The following COX7B2 variants were observed in gnomAD, a reference collection of about 807,000 sequenced individuals.
COX7B2 encodes the protein cytochrome c oxidase subunit 7B2, mitochondrial.
For synonymous variants in COX7B2, 37 were observed against 32.1 expected (o/e 1.15, Z -0.51); for missense variants, 109 against 95.9 (o/e 1.14, Z -0.57).
At chr4:46,877,193 A>AT (rs1275345497) in intron 1 of COX7B2, among the ~76,000 whole-genome samples, 2 of 152,184 alleles carry the variant, frequency 1.3e-5, no homozygotes, top group African/African-American at 4.8e-5. Context: ...GAGGTGGGAG[A>AT]TGAGTATATG....
At chr4:46,847,110 G>T (rs1577650910) in intron 1 of COX7B2, among the ~76,000 whole-genome samples, 2 of 151,988 alleles carry the variant, frequency 1.3e-5, no homozygotes, top group South Asian at 4.1e-4. Context: ...CAGATAGAGG[G>T]GAGAGGACAG....
chr4:46,772,688 A>G (rs1013902865), intron 2 of COX7B2, among the ~76,000 whole-genome samples: 2 of 151,924 alleles, frequency 1.3e-5, no homozygotes, highest in African/African-American at 2.4e-5. Flanking sequence ...AGTGGTTGCA[A>G]TCTAGTACCT....
At chr4:46,878,481 T>C (rs964384218) in intron 1 of COX7B2, among the ~76,000 whole-genome samples, 2 of 133,590 alleles carry the variant, frequency 1.5e-5, no homozygotes, top group African/African-American at 5.2e-5. Flanking sequence ...AAGTTAGCAC[T>C]ATTATATATA....
intron 1 of COX7B2, among the ~76,000 whole-genome samples, chr4:46,892,116 C>T (rs1207969408): frequency 6.6e-6 from 1 of 152,104 alleles, no homozygotes; most frequent in African/African-American, 2.4e-5. Context: ...CCTTTCTTCC[C>T]AGAGGAGTCA....
At chr4:46,892,892 A>C (rs2109875253) in intron 1 of COX7B2, among the ~76,000 whole-genome samples, 2 of 152,212 alleles carry the variant, frequency 1.3e-5, no homozygotes, top group South Asian at 4.1e-4. Context: ...CCCCCATGCT[A>C]TTCTCATGAT....
chr4:46,745,389 T>C (rs1714961420), intron 2 of COX7B2, among the ~76,000 whole-genome samples: 1 of 152,240 alleles, frequency 6.6e-6, no homozygotes, highest in African/African-American at 2.4e-5. Flanking sequence ...CATAACAGCA[T>C]TGAAGTAGTA....
At chr4:46,746,071 A>G (rs536294867) in intron 2 of COX7B2, among the ~76,000 whole-genome samples, 214 of 152,314 alleles carry the variant, frequency 1.4e-3, no homozygotes, top group African/African-American at 4.7e-3. Context: ...TTGATAATGG[A>G]ATGGTAGGTT....
intron 2 of COX7B2, among the ~76,000 whole-genome samples, chr4:46,821,662 C>T (rs1331737575): frequency 1.3e-5 from 2 of 152,090 alleles, no homozygotes; most frequent in East Asian, 3.9e-4. Context: ...AGAGTGTAAA[C>T]AGTATAAAAT....
At chr4:46,775,098 A>G (rs1717082366) in intron 2 of COX7B2, among the ~76,000 whole-genome samples, 1 of 152,110 alleles carries the variant, frequency 6.6e-6, no homozygotes, top group African/African-American at 2.4e-5. Context: ...AGACATTGTA[A>G]GTGATACTGC....
intron 2 of COX7B2, among the ~76,000 whole-genome samples, chr4:46,777,043 G>C (rs1048775133): frequency 2.0e-5 from 3 of 152,126 alleles, no homozygotes; most frequent in Non-Finnish European, 4.4e-5. Context: ...TGCTAAAGAT[G>C]CAGATTAAAC....
chr4:46,742,892 A>G (rs930799218), intron 2 of COX7B2, among the ~76,000 whole-genome samples: 1 of 152,156 alleles, frequency 6.6e-6, no homozygotes, highest in South Asian at 2.1e-4. Context: ...GAAAGTATTC[A>G]GTAATGCCCA....
At chr4:46,793,889 C>A (rs561248897) in intron 2 of COX7B2, among the ~76,000 whole-genome samples, 1 of 152,266 alleles carries the variant, frequency 6.6e-6, no homozygotes, top group South Asian at 2.1e-4. Flanking sequence ...GATTAGTTTT[C>A]TTTTCTAGTG....
chr4:46,746,138 G>A (rs1024507672), intron 2 of COX7B2, among the ~76,000 whole-genome samples: 6 of 152,060 alleles, frequency 3.9e-5, no homozygotes, highest in African/African-American at 1.2e-4. Context: ...CATCAGATCT[G>A]AAAGACCTAG....
chr4:46,746,148 G>A (rs766527802), intron 2 of COX7B2, among the ~76,000 whole-genome samples: 1 of 152,108 alleles, frequency 6.6e-6, no homozygotes, highest in African/African-American at 2.4e-5. Flanking sequence ...GAAAGACCTA[G>A]AGATCACTTT....
chr4:46,812,551 C>G (rs775130573), intron 2 of COX7B2, among the ~76,000 whole-genome samples: 1 of 151,936 alleles, frequency 6.6e-6, no homozygotes, highest in Non-Finnish European at 1.5e-5. Context: ...TTTATAAGGC[C>G]AGGTATAGCA....
chr4:46,759,200 A>G (rs1055967394), intron 2 of COX7B2, among the ~76,000 whole-genome samples: 2 of 152,138 alleles, frequency 1.3e-5, no homozygotes, highest in African/African-American at 4.8e-5. Context: ...GCTCATGGAC[A>G]AAAGTACTAA....
intron 1 of COX7B2, among the ~76,000 whole-genome samples, chr4:46,881,500 C>T (rs762133106): frequency 6.6e-5 from 10 of 152,146 alleles, no homozygotes; most frequent in Non-Finnish European, 1.2e-4. Context: ...TGGTGGCTTA[C>T]GCCTGTAATC....
intron 2 of COX7B2, among the ~76,000 whole-genome samples, chr4:46,760,672 C>T (rs534184523): frequency 2.7e-4 from 41 of 152,026 alleles, no homozygotes; most frequent in African/African-American, 9.2e-4. Context: ...CAAACCTGCA[C>T]GTTCTGCACA....
intron 1 of COX7B2, among the ~76,000 whole-genome samples, chr4:46,901,373 T>C (rs1389198272): frequency 6.6e-6 from 1 of 152,170 alleles, no homozygotes; most frequent in Non-Finnish European, 1.5e-5. Flanking sequence ...GGCTTCCCAC[T>C]CTGATCGAGT....
Sources: allele counts gnomAD v4.1 joint callset (sites outside exome capture counted in the v4.1 genomes callset), GRCh38; gene constraint gnomAD v4.1.1; transcripts MANE v1.5; gene names NCBI Gene and HGNC (gene_info 2026-07-23, HGNC 2026-07-21).